Variants in VWA3A observed in about 807,000 individuals in gnomAD.
The protein encoded by VWA3A is von Willebrand factor A domain-containing protein 3A.
VWA3A carries 134 observed loss-of-function variants against 160.4 expected under a neutral mutation model. That is an observed-to-expected ratio of 0.84 (90% confidence interval 0.73 to 0.96). The LOEUF (loss-of-function observed/expected upper bound fraction) is 0.96, where lower values mean the gene tolerates loss of function less well. Ranked by LOEUF, VWA3A falls within the 40% of genes least tolerant of loss-of-function variation. The probability of loss-of-function intolerance (pLI) is 0.00; values close to 1 mark genes in which losing one functional copy is unlikely to be tolerated. For synonymous variants in VWA3A, 476 were observed against 543.4 expected, an observed-to-expected ratio of 0.88 and a Z score of 1.72; for missense variants, 1,310 against 1,447.9, an observed-to-expected ratio of 0.90 and a Z score of 1.55.
intron 11 of VWA3A, among the ~76,000 whole-genome samples, chr16:22,117,687 C>A (rs1283463983): frequency 1.3e-5 from 2 of 152,200 alleles, no homozygotes; most frequent in African/African-American, 4.8e-5. Flanking sequence ...ACAAGGGAGG[C>A]AACGATTAGC....
At chr16:22,096,206 T>C (rs2045318989) in intron 1 of VWA3A, among the ~76,000 whole-genome samples, 1 of 152,108 alleles carries the variant, frequency 6.6e-6, no homozygotes, top group African/African-American at 2.4e-5. Flanking sequence ...AGTGTTGAAG[T>C]TGAGAAAGCT....
chr16:22,110,864 C>A (rs2045543258), intron 7 of VWA3A, 24 bp from the exon 8 acceptor site: 12 of 1,583,008 alleles, frequency 7.6e-6, no homozygotes, highest in Non-Finnish European at 1.0e-5. Flanking sequence ...CTGTGGGAGC[C>A]AGTGATGTCC....
intron 29 of VWA3A, among the ~76,000 whole-genome samples, chr16:22,150,193 G>A (rs2046324674): frequency 6.6e-6 from 1 of 152,136 alleles, no homozygotes; most frequent in Non-Finnish European, 1.5e-5. Context: ...CCTGAGGTCA[G>A]GAGTTCAAGA....
chr16:22,130,007 G>T (rs1296575175), intron 17 of VWA3A, among the ~76,000 whole-genome samples: 1 of 152,120 alleles, frequency 6.6e-6, no homozygotes, highest in Non-Finnish European at 1.5e-5. Context: ...GGCCGACGTG[G>T]TGAAACCCCG....
intron 11 of VWA3A, among the ~76,000 whole-genome samples, chr16:22,118,602 C>T (rs1197034750): frequency 1.3e-5 from 2 of 152,146 alleles, no homozygotes; most frequent in Non-Finnish European, 2.9e-5. Flanking sequence ...AGGAGAATGG[C>T]GTGAACCCAG....
chr16:22,144,419 T>TC (rs1186695484), intron 26 of VWA3A, 35 bp downstream of exon 26: 4 of 1,607,030 alleles, frequency 2.5e-6, no homozygotes, highest in Admixed American at 3.4e-5. Flanking sequence ...CTTTTTTTTC[T>TC]CCCCCAACTC....
chr16:22,122,300 G>C (rs767876907), intron 14 of VWA3A, among the ~76,000 whole-genome samples: 1 of 151,798 alleles, frequency 6.6e-6, no homozygotes, highest in East Asian at 1.9e-4. Flanking sequence ...TGGATGGATG[G>C]ATGGATGGAT....
At chr16:22,138,896 A>G (rs1471194783) in intron 22 of VWA3A, among the ~76,000 whole-genome samples, 1 of 152,104 alleles carries the variant, frequency 6.6e-6, no homozygotes, top group African/African-American at 2.4e-5. Flanking sequence ...AAGACTTTGC[A>G]GAGGCTGATA....
intron 16 of VWA3A, among the ~76,000 whole-genome samples, chr16:22,124,938 T>A (rs1567209203): frequency 6.6e-6 from 1 of 152,044 alleles, no homozygotes; most frequent in Non-Finnish European, 1.5e-5. Flanking sequence ...AAGTTTGAAG[T>A]TCTAAAATTA....
At chr16:22,143,371 C>T (rs1255315050) in intron 25 of VWA3A, among the ~76,000 whole-genome samples, 1 of 152,116 alleles carries the variant, frequency 6.6e-6, no homozygotes, top group African/African-American at 2.4e-5. Context: ...AAAGTGAAAT[C>T]AACAGAAATC....
intron 18 of VWA3A, 25 bp downstream of exon 18, chr16:22,131,304 G>A (rs2045943568): frequency 6.2e-7 from 1 of 1,612,268 alleles, no homozygotes; most frequent in Non-Finnish European, 8.5e-7. Context: ...GAGACTTCGT[G>A]GGGCTGTGTC....
chr16:22,134,793 A>G (rs2046012000), intron 21 of VWA3A, among the ~76,000 whole-genome samples: 1 of 152,254 alleles, frequency 6.6e-6, no homozygotes, highest in Non-Finnish European at 1.5e-5. Flanking sequence ...AATAGCAAAG[A>G]TAGCTGGAGA....
At chr16:22,128,054 G>A (rs552837273) in intron 17 of VWA3A, among the ~76,000 whole-genome samples, 29 of 152,262 alleles carry the variant, frequency 1.9e-4, no homozygotes, top group Admixed American at 1.2e-3. Context: ...AGCATGAGCA[G>A]AGGTGTGACG....
In VWA3A at chr16:22,115,412, C is replaced by T. The variant is rs748865937; in HGVS notation, c.755C>T (p.Ala252Val). The change falls in exon 9 of 34, where the codon GCT (alanine) becomes GTT (valine). Residue 252 changes from alanine (A) to valine (V), a missense_variant. By Grantham distance (64) the Ala-to-Val change is moderately conservative (BLOSUM62 0). Coordinates refer to ENST00000389398, the MANE Select transcript of VWA3A (RefSeq NM_173615.5). The stretch of plus-strand genomic sequence containing the variant: ...GATGGAGGCAGCAACCTGCTACAAG[C>T]TCTGAAGAAGATCTTCACTCTCAAG... ...QPDGGSNLLQ[A>V]LKKIFTLKGL... The T allele has an allele frequency of 1.2e-6, 2 of 1,604,848 alleles. No homozygotes were observed. The highest frequency in any genetic ancestry group is 1.7e-6 in the Non-Finnish European group (2 of 1,175,762).
At chr16:22,151,966 T>C (rs1190874976) in intron 30 of VWA3A, among the ~76,000 whole-genome samples, 1 of 152,104 alleles carries the variant, frequency 6.6e-6, no homozygotes, top group African/African-American at 2.4e-5. Flanking sequence ...CCCAGCACTT[T>C]GGGAGGCCAA....
At chr16:22,100,365 A>C (rs2045389878) in intron 4 of VWA3A, 47 bp downstream of exon 4, 1 of 1,551,648 alleles carries the variant, frequency 6.4e-7, no homozygotes, top group East Asian at 2.4e-5. Flanking sequence ...GCAGTGACAC[A>C]TGCAACCCCC....
chr16:22,133,931 A>C (rs1198178649), intron 20 of VWA3A, among the ~76,000 whole-genome samples: 1 of 152,168 alleles, frequency 6.6e-6, no homozygotes, highest in Non-Finnish European at 1.5e-5. Flanking sequence ...TGTTCACAGC[A>C]CATGGTTGGC....
intron 14 of VWA3A, among the ~76,000 whole-genome samples, chr16:22,122,213 A>G (rs1435800458): frequency 3.4e-5 from 1 of 29,356 alleles, no homozygotes; most frequent in Non-Finnish European, 6.3e-5. Flanking sequence ...GGATAGATGG[A>G]TGGGTGGGGG....
chr16:22,133,148 AC>A, intron 20 of VWA3A, 53 bp downstream of exon 20: 1 of 1,555,810 alleles, frequency 6.4e-7, no homozygotes, highest in Non-Finnish European at 8.7e-7. Context: ...TTGTCTCAGC[AC>A]CAGCATAGCT....
Sources: allele counts gnomAD v4.1 joint callset (sites outside exome capture counted in the v4.1 genomes callset), GRCh38; gene constraint gnomAD v4.1.1; transcripts MANE v1.5; gene names NCBI Gene and HGNC (gene_info 2026-07-23, HGNC 2026-07-21).